The following PIGK variants were observed in gnomAD, a reference collection of about 807,000 sequenced individuals.
The protein encoded by PIGK is GPI-anchor transamidase.
PIGK carries 42 observed loss-of-function variants against 50.6 expected under a neutral mutation model. The observed-to-expected ratio is 0.83, with a 90% confidence interval of 0.65 to 1.07. PIGK has a LOEUF of 1.07. Among genes scored for constraint, PIGK ranks in the 50% least tolerant of loss-of-function variants. The pLI, the probability that PIGK is intolerant of heterozygous loss-of-function variation, is 0.00. For missense variants in PIGK, 448 were observed against 488.7 expected, an observed-to-expected ratio of 0.92 and a Z score of 0.78; for synonymous variants, 151 against 156.0, an observed-to-expected ratio of 0.97 and a Z score of 0.24.
chr1:77,188,515 A>G (rs1655807296), intron 3 of PIGK, among the ~76,000 whole-genome samples: 1 of 152,148 alleles, frequency 6.6e-6, no homozygotes, highest in African/African-American at 2.4e-5. Flanking sequence ...CCGAAACTTC[A>G]TTAGCAATTT....
chr1:77,171,225 A>G (rs1655352398), intron 3 of PIGK, among the ~76,000 whole-genome samples: 1 of 151,932 alleles, frequency 6.6e-6, no homozygotes, highest in African/African-American at 2.4e-5. Context: ...TCACGAGGTC[A>G]GGAGATCGAG....
chr1:77,117,511 A>T (rs1299394505), intron 10 of PIGK, among the ~76,000 whole-genome samples: 1 of 152,172 alleles, frequency 6.6e-6, no homozygotes, highest in Middle Eastern at 3.2e-3. Flanking sequence ...TCTGAAAGCT[A>T]AACAGGAGGA....
chr1:77,153,936 A>G (rs34615286), intron 9 of PIGK: 15,138 of 153,248 alleles, frequency 0.099, 902 homozygotes, highest in African/African-American at 0.16. Flanking sequence ...TTTACCTTTA[A>G]AAATGGTTAC....
intron 10 of PIGK, among the ~76,000 whole-genome samples, chr1:77,093,003 T>G (rs1352745688): frequency 6.6e-6 from 1 of 152,026 alleles, no homozygotes; most frequent in African/African-American, 2.4e-5. Context: ...ACACACTTGT[T>G]TAAGTGCCAG....
intron 9 of PIGK, among the ~76,000 whole-genome samples, chr1:77,137,752 T>C (rs1654553218): frequency 6.6e-6 from 1 of 152,026 alleles, no homozygotes; most frequent in Non-Finnish European, 1.5e-5. Flanking sequence ...TACAGGTGCA[T>C]ACCACCACAC....
chr1:77,145,789 T>C (rs1377494713), intron 9 of PIGK, among the ~76,000 whole-genome samples: 1 of 152,082 alleles, frequency 6.6e-6, no homozygotes, highest in Non-Finnish European at 1.5e-5. Flanking sequence ...TTATATAATT[T>C]CAGGAGTTTC....
At chr1:77,213,469 T>A (rs926494457) in intron 1 of PIGK, among the ~76,000 whole-genome samples, 1 of 152,084 alleles carries the variant, frequency 6.6e-6, no homozygotes, top group Non-Finnish European at 1.5e-5. Context: ...GAACAACCAA[T>A]GGGTCAAAGA....
At chr1:77,126,999 A>AT (rs1307467520) in intron 9 of PIGK, among the ~76,000 whole-genome samples, 2 of 152,166 alleles carry the variant, frequency 1.3e-5, no homozygotes, top group Non-Finnish European at 2.9e-5. Context: ...AAAGCTGTGC[A>AT]TTCCTTATTT....
intron 10 of PIGK, among the ~76,000 whole-genome samples, chr1:77,120,139 T>C (rs975509264): frequency 2.0e-5 from 3 of 152,188 alleles, no homozygotes; most frequent in African/African-American, 7.2e-5. Flanking sequence ...AATTTAGATA[T>C]AGATCAAAAA....
chr1:77,131,647 T>C (rs1398974085), intron 9 of PIGK, among the ~76,000 whole-genome samples: 2 of 152,132 alleles, frequency 1.3e-5, no homozygotes, highest in East Asian at 1.9e-4. Flanking sequence ...TTTTTCTGTA[T>C]CTACTGAAAT....
intron 10 of PIGK, among the ~76,000 whole-genome samples, chr1:77,109,105 A>G (rs1279311405): frequency 6.6e-6 from 1 of 152,150 alleles, no homozygotes; most frequent in Non-Finnish European, 1.5e-5. Flanking sequence ...TCTGAAATTG[A>G]GGCAATAACT....
Position 77,219,312 on chromosome 1 carries a change from C to G in PIGK, c.91G>C (p.Glu31Gln). The change falls in exon 1 of 11, where the codon GAG becomes CAG. Residue 31 changes from glutamate (E) to glutamine (Q), a missense_variant and splice_region_variant. Physicochemically the swap from Glu to Gln is conservative, Grantham distance 29 (BLOSUM62 2). Transcript: ENST00000370812. ...GGTCAAATGAGCCTGACTCCTACCT[C>G]GATATGACTAGCGGCCACGCTGCCG... The part of the protein sequence containing the change: ...SFGSVAASHI[E>Q]DQAEQFFRSG... The G allele has an allele frequency of 6.2e-7, 1 of 1,613,110 alleles. No individual in the cohort carries two copies. The highest frequency in any genetic ancestry group is 1.1e-5 in the South Asian group (1 of 90,990).
At chr1:77,130,636 C>T (rs148430478) in intron 9 of PIGK, among the ~76,000 whole-genome samples, 4 of 152,156 alleles carry the variant, frequency 2.6e-5, no homozygotes, top group African/African-American at 9.7e-5. Context: ...TGGTGTCAGA[C>T]AGACTAAATG....
intron 10 of PIGK, among the ~76,000 whole-genome samples, chr1:77,116,272 C>T (rs1452786706): frequency 6.6e-6 from 1 of 152,018 alleles, no homozygotes; most frequent in Non-Finnish European, 1.5e-5. Context: ...AAAGCTCCAC[C>T]TCCCGGGTTC....
At chr1:77,123,489 G>A (rs867378095) in intron 9 of PIGK, among the ~76,000 whole-genome samples, 83 of 152,060 alleles carry the variant, frequency 5.5e-4, no homozygotes, top group African/African-American at 1.8e-3. Context: ...AAAAGTTTGT[G>A]GATATCTTGC....
chr1:77,194,368 G>C (rs1294386179), intron 3 of PIGK, among the ~76,000 whole-genome samples: 1 of 148,480 alleles, frequency 6.7e-6, no homozygotes, highest in African/African-American at 2.4e-5. Context: ...GTTATATAAG[G>C]GATATATAAT....
rs565724201 is a variant in PIGK at position 77,105,066 on chromosome 1, G to A, written c.1072-12576C>T. On this transcript the variant is annotated intron_variant, in intron 10 of 10. Transcript: ENST00000370812. The stretch of plus-strand genomic sequence containing the variant: ...TTGTCTGGTGTCCAAGAAGAATAAG[G>A]TTGTGTAGACAATTGAAGGATGGTG... 1.5e-3 allele frequency among the ~76,000 whole-genome samples: 236 copies of A among 152,274 alleles called. 6 individuals are homozygous for A. The South Asian group carries it at 0.046, about 30-fold the overall frequency.
intron 9 of PIGK, among the ~76,000 whole-genome samples, chr1:77,125,155 C>G (rs1030591382): frequency 3.9e-5 from 6 of 152,094 alleles, no homozygotes; most frequent in Non-Finnish European, 8.8e-5. Flanking sequence ...AAAAGATATT[C>G]TTTAGGTATA....
intron 9 of PIGK, among the ~76,000 whole-genome samples, chr1:77,138,733 G>A (rs1654578144): frequency 6.6e-6 from 1 of 152,154 alleles, no homozygotes; most frequent in East Asian, 1.9e-4. Flanking sequence ...TTAAGAACAT[G>A]AACACCTTAA....
Sources: allele counts gnomAD v4.1 joint callset (sites outside exome capture counted in the v4.1 genomes callset), GRCh38; gene constraint gnomAD v4.1.1; transcripts MANE v1.5; gene names NCBI Gene and HGNC (gene_info 2026-07-23, HGNC 2026-07-21).